TSBP1: variants seen among roughly 807,000 people sequenced by gnomAD.
The protein encoded by TSBP1 is testis expressed basic protein 1.
Under a neutral mutation model 68.8 loss-of-function variants are expected in TSBP1, and 56 were observed. The ratio of observed to expected loss-of-function variants is 0.81; its 90% CI spans 0.66 to 1.02. The LOEUF is 1.02. TSBP1 is among the 50% of genes least tolerant of loss of function. The pLI is 0.00. For missense variants in TSBP1, 502 were observed against 641.2 expected, an observed-to-expected ratio of 0.78 and a Z score of 2.34; for synonymous variants, 171 against 208.7, an observed-to-expected ratio of 0.82 and a Z score of 1.56.
chr6:32,310,855 G>T (rs1380679550), intron 19 of TSBP1, among the ~76,000 whole-genome samples: 3 of 150,976 alleles, frequency 2.0e-5, no homozygotes, highest in Non-Finnish European at 4.4e-5. Context: ...GCCTTTTCAT[G>T]CTGTACTAGC....
chr6:32,316,283 T>C lies in TSBP1; in HGVS notation c.560-491A>G, dbSNP rs540794057. 2 of 800,714 alleles carry C rather than the reference T, an allele frequency of 2.5e-6. No individual in the cohort carries two copies. The highest frequency in any genetic ancestry group is 4.1e-6 in the Non-Finnish European group (2 of 491,510). The allele number at this position is 800,714 out of a possible 1,614,324, so 49.6% of individuals were successfully genotyped here. On this transcript the variant is annotated intron_variant, in intron 18 of 22. Coordinates refer to ENST00000612031, the Ensembl canonical transcript of TSBP1. This position sits in a 1 kb window ranked among gnomAD's most constrained non-coding sequence, Gnocchi z 4.5. ...AAAAGATTCTCTGTAATATAGACCA[T>C]GTAGGGTAATAAGGAAGCAAGGGAA...
intron 14 of TSBP1, among the ~76,000 whole-genome samples, chr6:32,332,334 G>A (rs1329441519): frequency 6.6e-6 from 1 of 152,208 alleles, no homozygotes; most frequent in African/African-American, 2.4e-5. Context: ...TTGTTATTAG[G>A]TATTAACATT....
intron 9 of TSBP1, among the ~76,000 whole-genome samples, chr6:32,341,813 AATATG>A (rs2127614605): frequency 6.6e-6 from 1 of 152,290 alleles, no homozygotes; most frequent in African/African-American, 2.4e-5. Flanking sequence ...AAAATAATGA[AATATG>A]ATATATTTAA....
intron 19 of TSBP1, among the ~76,000 whole-genome samples, chr6:32,305,038 C>T (rs148236499): frequency 4.6e-5 from 7 of 152,304 alleles, no homozygotes; most frequent in African/African-American, 1.7e-4. Flanking sequence ...ACTGTTTCAG[C>T]ACTGACTGAG....
intron 9 of TSBP1, among the ~76,000 whole-genome samples, chr6:32,345,737 C>T (rs1402744796): frequency 2.0e-5 from 3 of 152,124 alleles, no homozygotes; most frequent in Non-Finnish European, 4.4e-5. Flanking sequence ...GGGCACTACG[C>T]TAGTTCAAGA....
Position 32,339,725 on chromosome 6 carries a change from C to A in TSBP1, c.350-87G>T, listed in dbSNP as rs1335499723. 4 of 635,340 alleles carry A rather than the reference C, an allele frequency of 6.3e-6. No homozygotes were observed. The African/African-American group carries it at 7.2e-5, about 11-fold the overall frequency. The allele number at this position is 635,340 out of a possible 1,614,324, so 39.4% of individuals were successfully genotyped here. On this transcript the variant is annotated intron_variant, in intron 9 of 22. Transcript: ENST00000612031. Reference sequence around the variant, plus strand: ...TAGACAATCCCATTCCCTCCTCCCCCTCCTCAGGTGTGGTACAAACAGTCT... The same window carrying A: ...TAGACAATCCCATTCCCTCCTCCCCATCCTCAGGTGTGGTACAAACAGTCT...
chr6:32,298,709 C>T (rs1315255589), intron 22 of TSBP1, among the ~76,000 whole-genome samples: 1 of 152,134 alleles, frequency 6.6e-6, no homozygotes, highest in African/African-American at 2.4e-5. Context: ...AATATAAGGA[C>T]ATATTTTGTG....
chr6:32,339,413 T>C (rs1403631203), intron 10 of TSBP1, 187 bp downstream of exon 11: 4 of 694,778 alleles, frequency 5.8e-6, no homozygotes, highest in Non-Finnish European at 8.1e-6. Flanking sequence ...CAAGTTTTTC[T>C]CCTTTCCTCC....
At chr6:32,345,417 A>C (rs1562153994) in intron 9 of TSBP1, among the ~76,000 whole-genome samples, 2 of 152,094 alleles carry the variant, frequency 1.3e-5, no homozygotes, top group Non-Finnish European at 1.5e-5. Context: ...AAATCATTTT[A>C]GAAAGGGGAC....
At chr6:32,328,802 C>T (rs991998225) in intron 16 of TSBP1, among the ~76,000 whole-genome samples, 6 of 151,710 alleles carry the variant, frequency 4.0e-5, no homozygotes, top group Admixed American at 1.3e-4. Flanking sequence ...CCACCTGCCT[C>T]GGGCTCCCAA....
chr6:32,311,163 T>C (rs1283611012), intron 19 of TSBP1, among the ~76,000 whole-genome samples: 1 of 152,160 alleles, frequency 6.6e-6, no homozygotes, highest in East Asian at 1.9e-4. Flanking sequence ...ATTTTTCTCA[T>C]TCTAAACTTC....
chr6:32,362,385 T>C (rs1261081929), intron 6 of TSBP1, among the ~76,000 whole-genome samples: 1 of 151,016 alleles, frequency 6.6e-6, no homozygotes, highest in East Asian at 1.9e-4. Flanking sequence ...CTGCAGAGAG[T>C]CCCCAGTAGC....
chr6:32,363,669 CAG>C (rs200513363), intron 6 of TSBP1, among the ~76,000 whole-genome samples: 12,743 of 139,468 alleles, frequency 0.091, 780 homozygotes, highest in East Asian at 0.12. Context: ...TTTACATTCT[CAG>C]TGTCAAAATT....
exon 23 of TSBP1, chr6:32,293,557 C>T: frequency 1.9e-6 from 3 of 1,612,940 alleles, no homozygotes; most frequent in East Asian, 2.2e-5. Flanking sequence ...GCACACCCAT[C>T]TCACTCTTCT....
chr6:32,335,020 C>T lies in TSBP1; in HGVS notation c.472+417G>A, dbSNP rs985306659. Among the ~76,000 whole-genome samples, 14 of 151,800 alleles carry T rather than the reference C, an allele frequency of 9.2e-5. No individual in the cohort carries two copies. The highest frequency in any genetic ancestry group is 1.5e-4 in the Non-Finnish European group (10 of 67,958). Reference sequence around the variant, plus strand: ...CTGCACTCCAGCCCGGATGACAGAGCGAGACTCCATCTCAAAAAAAATAAA... The same window carrying T: ...CTGCACTCCAGCCCGGATGACAGAGTGAGACTCCATCTCAAAAAAAATAAA... On this transcript the variant is annotated intron_variant, in intron 14 of 22. Transcript: ENST00000612031. The surrounding 1 kb of genome is among the most constrained non-coding windows in gnomAD (Gnocchi z 5.5).
rs561125668 is a variant in TSBP1, at chr6:32,313,370, A to C, written c.580+2402T>G. ...GGCTATATTTCCAGTGCTTAGGATA[A>C]TGCCTGGCCTACAATAGGCCAATAT... is the stretch of plus-strand genomic sequence containing the variant. On this transcript the variant is annotated intron_variant, in intron 19 of 22. Coordinates refer to ENST00000612031, the Ensembl canonical transcript of TSBP1. Among the ~76,000 whole-genome samples the C allele has an allele frequency of 9.8e-5, 15 of 152,384 alleles. No individual in the cohort carries two copies. In the South Asian group the frequency reaches 2.9e-3, roughly 29 times the overall value.
In TSBP1 at chr6:32,314,846, TTTGA is replaced by T. The variant is rs1436793888; in HGVS notation, c.580+922_580+925del. Among the ~76,000 whole-genome samples, 1 of 69,472 alleles carries T rather than the reference TTTGA, an allele frequency of 1.4e-5. No homozygotes were observed. Among genetic ancestry groups the T allele is most frequent in the Non-Finnish European group, 4.1e-5 (1 of 24,570 alleles). The allele number at this position is 69,472 out of a possible 152,430, so 45.6% of individuals were successfully genotyped here. Reference sequence around the variant, plus strand: ...CTACTATCTGGATTAAGTGAGATGCTTTGACAACTCTAGATGTGAATTCTTGCAT... The same window carrying T: ...CTACTATCTGGATTAAGTGAGATGCTCAACTCTAGATGTGAATTCTTGCAT... On this transcript the variant is annotated intron_variant, in intron 19 of 22. Coordinates refer to ENST00000612031, the Ensembl canonical transcript of TSBP1. This position sits in a 1 kb window ranked among gnomAD's most constrained non-coding sequence, Gnocchi z 4.2.
intron 20 of TSBP1, 39 bp from the exon 24 acceptor site, chr6:32,300,739 G>C (rs2127562607): frequency 6.3e-7 from 1 of 1,587,612 alleles, no homozygotes; most frequent in South Asian, 1.1e-5. Flanking sequence ...TAGGTACTGG[G>C]CATTCCCTTC....
chr6:32,321,180 T>A lies in TSBP1; in HGVS notation c.559+1937A>T, dbSNP rs534793577. On this transcript the variant is annotated intron_variant, in intron 18 of 22. Coordinates refer to ENST00000612031, the Ensembl canonical transcript of TSBP1. The surrounding 1 kb of genome is among the most constrained non-coding windows in gnomAD (Gnocchi z 4.3). The stretch of plus-strand genomic sequence containing the variant: ...TGTGTCTTTATGATAGAATGGTTTA[T>A]ATTCCTTTGAGTCTATACCCAGTAA... 1.3e-5 allele frequency among the ~76,000 whole-genome samples: 2 copies of A among 152,220 alleles called. No individual in the cohort carries two copies. The highest frequency in any genetic ancestry group is 4.1e-4 in the South Asian group (2 of 4,834).
Sources: allele counts gnomAD v4.1 joint callset (sites outside exome capture counted in the v4.1 genomes callset), GRCh38; gene constraint gnomAD v4.1.1; non-coding constraint Gnocchi (gnomAD v3.1); transcripts MANE v1.5; gene names NCBI Gene and HGNC (gene_info 2026-07-23, HGNC 2026-07-21).